TMEM178B: variants seen among roughly 807,000 people sequenced by gnomAD.
TMEM178B encodes the protein transmembrane protein 178B.
In TMEM178B, 5 loss-of-function variants were observed where a neutral mutation model predicts 31.0. The ratio of observed to expected loss-of-function variants is 0.16; its 90% CI spans 0.08 to 0.34. The LOEUF (loss-of-function observed/expected upper bound fraction) is 0.34, where lower values mean the gene tolerates loss of function less well. TMEM178B is among the 10% of genes least tolerant of loss of function. TMEM178B has a pLI of 1.00. For synonymous variants in TMEM178B, 164 were observed against 164.0 expected (o/e 1.00, Z 0.00); for missense variants, 275 against 400.3 (o/e 0.69, Z 2.67).
chr7:141,219,944 G>A (rs768482926), intron 2 of TMEM178B, among the ~76,000 whole-genome samples: 5 of 152,068 alleles, frequency 3.3e-5, no homozygotes, highest in Non-Finnish European at 5.9e-5. Flanking sequence ...TACCTTCCCT[G>A]GATAGCATTT....
intron 2 of TMEM178B, among the ~76,000 whole-genome samples, chr7:141,425,957 T>C (rs1055601378): frequency 6.6e-6 from 1 of 152,166 alleles, no homozygotes; most frequent in Admixed American, 6.5e-5. Context: ...TGCAGAAATG[T>C]CTGTTGGGTT....
intron 1 of TMEM178B, among the ~76,000 whole-genome samples, chr7:141,175,328 T>G (rs1275422625): frequency 3.3e-5 from 5 of 152,214 alleles, no homozygotes; most frequent in Admixed American, 6.5e-5. Flanking sequence ...TATATATCTG[T>G]TTTGGTACCA....
At chr7:141,102,625 G>A (rs373437605) in intron 1 of TMEM178B, among the ~76,000 whole-genome samples, 1 of 152,180 alleles carries the variant, frequency 6.6e-6, no homozygotes, top group Non-Finnish European at 1.5e-5. Context: ...AATGCTTATG[G>A]GGATGTGCCC....
At chr7:141,470,214 C>T (rs1241348467) in intron 3 of TMEM178B, among the ~76,000 whole-genome samples, 1 of 152,164 alleles carries the variant, frequency 6.6e-6, no homozygotes, top group African/African-American at 2.4e-5. Context: ...GAACTGAATG[C>T]TCTTCTGCTC....
chr7:141,443,085 A>G (rs1036408286), intron 3 of TMEM178B, among the ~76,000 whole-genome samples: 2 of 152,186 alleles, frequency 1.3e-5, no homozygotes, highest in Admixed American at 6.5e-5. Context: ...GACTTCTTCC[A>G]TCTCTGACCT....
intron 2 of TMEM178B, among the ~76,000 whole-genome samples, chr7:141,286,080 T>C (rs910162855): frequency 6.6e-6 from 1 of 151,934 alleles, no homozygotes; most frequent in Non-Finnish European, 1.5e-5. Flanking sequence ...ATCCCAGAAC[T>C]TAAAAGTATA....
rs572542256 is a variant in TMEM178B at position 141,440,069 on chromosome 7, G to C, written c.634+2324G>C. 3.6e-3 allele frequency among the ~76,000 whole-genome samples: 549 copies of C among 152,352 alleles called. 5 individuals carry two copies. The highest frequency in any genetic ancestry group is 0.013 in the African/African-American group (529 of 41,578). On this transcript the variant is annotated intron_variant, in intron 3 of 3. Transcript: ENST00000565468. ...AGATGTGACTGTGGTAGGGTCATTG[G>C]GCTATATCCCACTTAACTGAGACCT... is the stretch of plus-strand genomic sequence containing the variant.
At chr7:141,243,007 A>G (rs1237424838) in intron 2 of TMEM178B, among the ~76,000 whole-genome samples, 2 of 152,056 alleles carry the variant, frequency 1.3e-5, no homozygotes, top group African/African-American at 4.8e-5. Flanking sequence ...AACTAGGCAC[A>G]AAGTCTATTT....
chr7:141,191,820 G>A (rs1796701813), intron 1 of TMEM178B, among the ~76,000 whole-genome samples: 1 of 152,100 alleles, frequency 6.6e-6, no homozygotes, highest in Non-Finnish European at 1.5e-5. Flanking sequence ...TTTGCTATGT[G>A]AAATTTTGTA....
At chr7:141,406,354 C>T (rs1247140608) in intron 2 of TMEM178B, among the ~76,000 whole-genome samples, 1 of 152,126 alleles carries the variant, frequency 6.6e-6, no homozygotes, top group African/African-American at 2.4e-5. Flanking sequence ...CCCTGCCTTC[C>T]ATCTTGACCC....
At chr7:141,434,573 G>T (rs1407072061) in intron 2 of TMEM178B, among the ~76,000 whole-genome samples, 1 of 152,184 alleles carries the variant, frequency 6.6e-6, no homozygotes, top group Non-Finnish European at 1.5e-5. Context: ...TAATGATCAA[G>T]TCGGGATATT....
chr7:141,425,084 G>A (rs1005596768), intron 2 of TMEM178B, among the ~76,000 whole-genome samples: 6 of 152,172 alleles, frequency 3.9e-5, no homozygotes, highest in African/African-American at 9.7e-5. Flanking sequence ...TTATATAGTC[G>A]TTGGGAGGAT....
At chr7:141,292,379 C>A (rs1022670955) in intron 2 of TMEM178B, among the ~76,000 whole-genome samples, 1 of 152,150 alleles carries the variant, frequency 6.6e-6, no homozygotes, top group African/African-American at 2.4e-5. Flanking sequence ...GTCTAGGAGT[C>A]CTTTATCTTG....
rs550584303 is a variant in TMEM178B, at chr7:141,451,116, G to A, written c.634+13371G>A. Among the ~76,000 whole-genome samples the A allele has an allele frequency of 6.6e-5, 10 of 152,292 alleles. No individual in the cohort carries two copies. The South Asian group carries it at 1.9e-3, about 28-fold the overall frequency. ...AGGAAGGAGGAAGACAGGTCAAGAAGGCAAAATGGAGCCACTTCTGCTACC... is the reference window on the plus strand; with the variant it reads ...AGGAAGGAGGAAGACAGGTCAAGAAAGCAAAATGGAGCCACTTCTGCTACC... On this transcript the variant is annotated intron_variant, in intron 3 of 3. Transcript: ENST00000565468.
chr7:141,110,650 G>T (rs180851153), intron 1 of TMEM178B, among the ~76,000 whole-genome samples: 4 of 152,100 alleles, frequency 2.6e-5, no homozygotes, highest in African/African-American at 9.7e-5. Flanking sequence ...TTGACTGAGC[G>T]AGTAACTAAT....
the TMEM178B span, among the ~76,000 whole-genome samples, chr7:141,509,452 C>G: frequency 6.6e-6 from 1 of 152,120 alleles, no homozygotes; most frequent in South Asian, 2.1e-4. Context: ...GAGTTCGAGA[C>G]CAGCCTGGCC....
chr7:141,240,167 G>T (rs1797596442), intron 2 of TMEM178B, among the ~76,000 whole-genome samples: 1 of 152,166 alleles, frequency 6.6e-6, no homozygotes, highest in Admixed American at 6.5e-5. Flanking sequence ...TGTGTGGGTA[G>T]TGGCTACTGT....
chr7:141,298,807 C>G (rs1166195610), intron 2 of TMEM178B, among the ~76,000 whole-genome samples: 1 of 152,218 alleles, frequency 6.6e-6, no homozygotes, highest in African/African-American at 2.4e-5. Flanking sequence ...ATGCAATCCA[C>G]ATACCAATTT....
intron 2 of TMEM178B, among the ~76,000 whole-genome samples, chr7:141,403,214 G>C (rs1185482829): frequency 6.6e-6 from 1 of 152,172 alleles, no homozygotes; most frequent in Non-Finnish European, 1.5e-5. Flanking sequence ...TCATGCAGCC[G>C]GCCATGTGTG....
Sources: gnomAD v4.1 joint callset for allele counts (sites outside exome capture counted in the v4.1 genomes callset) on GRCh38, gnomAD v4.1.1 for gene constraint, MANE v1.5 for transcripts, NCBI Gene and HGNC (gene_info 2026-07-23, HGNC 2026-07-21) for gene names.